Variants in SFT2D2 observed in about 807,000 individuals in gnomAD.
The protein encoded by SFT2D2 is vesicle transport protein SFT2B.
Under a neutral mutation model 27.4 loss-of-function variants are expected in SFT2D2, and 21 were observed. The ratio of observed to expected loss-of-function variants is 0.77; its 90% CI spans 0.54 to 1.10. SFT2D2 has a LOEUF of 1.10. SFT2D2 is among the 50% of genes least tolerant of loss of function. The probability of loss-of-function intolerance (pLI) is 0.00; values close to 1 mark genes in which losing one functional copy is unlikely to be tolerated. For synonymous variants in SFT2D2, 72 were observed against 71.7 expected, an observed-to-expected ratio of 1.00 and a Z score of -0.02; for missense variants, 187 against 194.2, an observed-to-expected ratio of 0.96 and a Z score of 0.22.
Position 168,252,140 on chromosome 1 carries a change from G to C in SFT2D2, c.*9600G>C, listed in dbSNP as rs1647966189. The C allele has an allele frequency of 6.6e-6, 1 of 152,190 alleles. No individual in the cohort carries two copies. The highest frequency in any genetic ancestry group is 6.5e-5 in the Admixed American group (1 of 15,276). The allele number at this position is 152,190 out of a possible 1,614,324, so 9.4% of individuals were successfully genotyped here. On this transcript the variant is annotated 3_prime_UTR_variant, in exon 8 of 8. Coordinates refer to ENST00000271375, the MANE Select transcript of SFT2D2 (RefSeq NM_199344.3). ...CTTTGTTAATGTAAATTGACAAAAA[G>C]TATGTCCTTTTCTAGCAGGAGCAGA...
chr1:168,242,929 A>C lies in SFT2D2; in HGVS notation c.*389A>C, dbSNP rs889455986. Reference sequence around the variant, plus strand: ...GATCACGGGAGCAACAGTAAGGGACAGAGTTTTGGGGTCCACTTGTCCCTC... The same window carrying C: ...GATCACGGGAGCAACAGTAAGGGACCGAGTTTTGGGGTCCACTTGTCCCTC... On this transcript the variant is annotated 3_prime_UTR_variant, in exon 8 of 8. Transcript: ENST00000271375. The C allele has an allele frequency of 1.5e-5, 4 of 273,056 alleles. No homozygotes were observed. Among genetic ancestry groups the C allele is most frequent in the Non-Finnish European group, 2.9e-5 (4 of 138,502 alleles). 16.9% of individuals were successfully genotyped at this position (273,056 alleles called of 1,614,324 possible). A position where few individuals can be genotyped will look rare whatever the true frequency, so the allele number is the denominator to read the frequency against.
chr1:168,232,674 T>G (rs973502598), intron 3 of SFT2D2, among the ~76,000 whole-genome samples: 2 of 152,208 alleles, frequency 1.3e-5, no homozygotes, highest in Admixed American at 6.5e-5. Context: ...CATGGCTGTT[T>G]GTGCTTCACT....
intron 6 of SFT2D2, among the ~76,000 whole-genome samples, chr1:168,237,362 C>T (rs1159578116): frequency 6.6e-6 from 1 of 152,084 alleles, no homozygotes; most frequent in Admixed American, 6.5e-5. Flanking sequence ...AATTGTAACT[C>T]CAGAGCCAAG....
At chr1:168,227,257 C>T (rs1274754071) in intron 1 of SFT2D2, among the ~76,000 whole-genome samples, 3 of 152,180 alleles carry the variant, frequency 2.0e-5, no homozygotes, top group Admixed American at 6.5e-5. Context: ...CGTTTCTCTT[C>T]GCTTTTTGGT....
rs2102338991 is a variant in SFT2D2 at position 168,252,721 on chromosome 1, T to G, written c.*10181T>G. ...TATGCCTTTAGAATATTGTGCCTGT[T>G]TTAAAATGTTTGAGCTTTTAAAATA... On this transcript the variant is annotated 3_prime_UTR_variant, in exon 8 of 8. Transcript: ENST00000271375. 1.3e-5 allele frequency: 2 copies of G among 152,352 alleles called. No homozygotes were observed. The highest frequency in any genetic ancestry group is 3.9e-4 in the East Asian group (2 of 5,190). The allele number at this position is 152,352 out of a possible 1,614,324, so 9.4% of individuals were successfully genotyped here.
intron 1 of SFT2D2, among the ~76,000 whole-genome samples, chr1:168,228,744 C>G (rs1015834567): frequency 5.9e-5 from 9 of 152,194 alleles, no homozygotes; most frequent in Non-Finnish European, 1.0e-4. Flanking sequence ...CTCTTCTCTC[C>G]ACATCACAGA....
chr1:168,238,351 A>T (rs1304755113), intron 6 of SFT2D2, among the ~76,000 whole-genome samples: 1 of 152,128 alleles, frequency 6.6e-6, no homozygotes, highest in Non-Finnish European at 1.5e-5. Context: ...TTTAGAATTT[A>T]TAAAATGTTA....
intron 4 of SFT2D2, among the ~76,000 whole-genome samples, chr1:168,235,678 G>A (rs180906569): frequency 6.6e-6 from 1 of 152,206 alleles, no homozygotes; most frequent in African/African-American, 2.4e-5. Context: ...TGTCATCCTT[G>A]TACCCTGCTC....
In SFT2D2 at chr1:168,244,500, G is replaced by A. The variant is rs1647750498; in HGVS notation, c.*1960G>A. 6.6e-6 allele frequency: 1 copy of A among 152,538 alleles called. No individual in the cohort carries two copies. The highest frequency in any genetic ancestry group is 1.5e-5 in the Non-Finnish European group (1 of 68,406). The allele number at this position is 152,538 out of a possible 1,614,324, so 9.4% of individuals were successfully genotyped here. On this transcript the variant is annotated 3_prime_UTR_variant, in exon 8 of 8. Coordinates refer to ENST00000271375, the MANE Select transcript of SFT2D2 (RefSeq NM_199344.3). ...TGCTGATCTTTTCTTCTGAGGCTGG[G>A]GAGGTGTGAACAAGCCTGACGGGGC...
rs889617846 is a variant in SFT2D2 at position 168,249,013 on chromosome 1, A to G, written c.*6473A>G. 18 of 150,846 alleles carry G rather than the reference A, an allele frequency of 1.2e-4. No homozygotes were observed. The highest frequency in any genetic ancestry group is 4.4e-4 in the African/African-American group (18 of 40,968). 9.3% of individuals were successfully genotyped at this position (150,846 alleles called of 1,614,324 possible). On this transcript the variant is annotated 3_prime_UTR_variant, in exon 8 of 8. Transcript: ENST00000271375. Reference sequence around the variant, plus strand: ...TATTAGTCTGGCTAGCAGTCTATCTATTTTGTTGATCTTTTCAAAAAACCA... The same window carrying G: ...TATTAGTCTGGCTAGCAGTCTATCTGTTTTGTTGATCTTTTCAAAAAACCA...
chr1:168,235,965 T>C (rs1647481190), intron 4 of SFT2D2, among the ~76,000 whole-genome samples: 1 of 152,256 alleles, frequency 6.6e-6, no homozygotes, highest in Non-Finnish European at 1.5e-5. Flanking sequence ...GGCACAATGC[T>C]GGACACAGAG....
At position 168,247,451 on chromosome 1, in the gene SFT2D2, C is replaced by T. The variant is rs1413108288; in HGVS notation, c.*4911C>T. 1 of 160,080 alleles carries T rather than the reference C, an allele frequency of 6.2e-6. No homozygotes were observed. Among genetic ancestry groups the T allele is most frequent in the African/African-American group, 2.4e-5 (1 of 41,422 alleles). 9.9% of individuals were successfully genotyped at this position (160,080 alleles called of 1,614,324 possible). On this transcript the variant is annotated 3_prime_UTR_variant, in exon 8 of 8. Coordinates refer to ENST00000271375, the MANE Select transcript of SFT2D2 (RefSeq NM_199344.3). ...GGTTTTCTGTTCTTGTGTTAGTTTG[C>T]TGAGAATGATGGTTTCCAGCTTCAT...
chr1:168,228,475 G>A (rs147757365), intron 1 of SFT2D2, among the ~76,000 whole-genome samples: 4 of 152,294 alleles, frequency 2.6e-5, no homozygotes, highest in African/African-American at 9.6e-5. Context: ...TTGCATGGCA[G>A]TATCTAATTA....
At chr1:168,229,794 T>C (rs912324995) in intron 1 of SFT2D2, 9 of 152,238 alleles carry the variant, frequency 5.9e-5, no homozygotes, top group Non-Finnish European at 1.2e-4. Context: ...TTAAATGCTT[T>C]AGTCCGAAGT....
At chr1:168,232,426 A>G (rs147715352) in intron 3 of SFT2D2, among the ~76,000 whole-genome samples, 307 of 152,300 alleles carry the variant, frequency 2.0e-3, no homozygotes, top group Middle Eastern at 0.014. Flanking sequence ...GCTCATTCAC[A>G]CTGATGCTTC....
At chr1:168,234,594 A>C (rs954700280) in intron 3 of SFT2D2, among the ~76,000 whole-genome samples, 2 of 152,204 alleles carry the variant, frequency 1.3e-5, no homozygotes, top group East Asian at 3.8e-4. Flanking sequence ...ACATTCAACA[A>C]ATAACCCATG....
At chr1:168,239,905 G>A (rs1647601420) in intron 7 of SFT2D2, among the ~76,000 whole-genome samples, 1 of 151,194 alleles carries the variant, frequency 6.6e-6, no homozygotes, top group Non-Finnish European at 1.5e-5. Flanking sequence ...GCCAGGTGCA[G>A]TGGCTCACGC....
At chr1:168,235,742 G>C (rs1000156149) in intron 4 of SFT2D2, among the ~76,000 whole-genome samples, 4 of 152,130 alleles carry the variant, frequency 2.6e-5, no homozygotes, top group African/African-American at 7.2e-5. Context: ...GACCCTAAAT[G>C]CCTCTCATTT....
rs1286974889 is a variant in SFT2D2 at position 168,246,677 on chromosome 1, G to A, written c.*4137G>A. The A allele has an allele frequency of 8.4e-7, 1 of 1,196,436 alleles. No homozygotes were observed. The highest frequency in any genetic ancestry group is 1.2e-6 in the Non-Finnish European group (1 of 820,704). 74.1% of individuals were successfully genotyped at this position (1,196,436 alleles called of 1,614,324 possible). Reference sequence around the variant, plus strand: ...GAGTGACTTTGATCATGATCATGTAGAGCAACATTCAGTCTACGATGGTAT... The same window carrying A: ...GAGTGACTTTGATCATGATCATGTAAAGCAACATTCAGTCTACGATGGTAT... On this transcript the variant is annotated 3_prime_UTR_variant, in exon 8 of 8. Transcript: ENST00000271375.
Sources: gnomAD v4.1 joint callset for allele counts (sites outside exome capture counted in the v4.1 genomes callset) on GRCh38, gnomAD v4.1.1 for gene constraint, MANE v1.5 for transcripts, NCBI Gene and HGNC (gene_info 2026-07-23, HGNC 2026-07-21) for gene names.